Variants in AKAP6 observed in about 807,000 individuals in gnomAD.
AKAP6 encodes the protein A-kinase anchor protein 6.
AKAP6 carries 58 observed loss-of-function variants against 188.5 expected under a neutral mutation model. The observed-to-expected ratio is 0.31, with a 90% confidence interval of 0.25 to 0.38. AKAP6 has a LOEUF of 0.38. AKAP6 is among the 10% of genes least tolerant of loss of function. The pLI is 1.00. For missense variants in AKAP6, 2,710 were observed against 2,740.0 expected (o/e 0.99, Z 0.24); for synonymous variants, 989 against 998.6 (o/e 0.99, Z 0.18).
At chr14:32,748,668 C>T (rs1484573709) in intron 11 of AKAP6, among the ~76,000 whole-genome samples, 2 of 152,052 alleles carry the variant, frequency 1.3e-5, no homozygotes, top group Non-Finnish European at 2.9e-5. Context: ...ACTTTTTTCC[C>T]TCCCAAGACT....
At chr14:32,376,371 T>C (rs1298993561) in intron 1 of AKAP6, among the ~76,000 whole-genome samples, 2 of 152,224 alleles carry the variant, frequency 1.3e-5, no homozygotes, top group Non-Finnish European at 2.9e-5. Flanking sequence ...GTGGTGGTCA[T>C]AGACTACATC....
At chr14:32,764,293 T>G (rs1490923843) in intron 11 of AKAP6, among the ~76,000 whole-genome samples, 1 of 152,236 alleles carries the variant, frequency 6.6e-6, no homozygotes, top group Non-Finnish European at 1.5e-5. Context: ...AATCAGTATT[T>G]TTCCCATCCC....
At chr14:32,495,244 C>A (rs1164238218) in intron 2 of AKAP6, 1 of 152,160 alleles carries the variant, frequency 6.6e-6, no homozygotes, top group African/African-American at 2.4e-5. Context: ...AAAACCAAAT[C>A]GACTTGAGTT....
intron 10 of AKAP6, chr14:32,733,247 G>C (rs1458959657): frequency 1.3e-5 from 2 of 154,478 alleles, no homozygotes; most frequent in Non-Finnish European, 2.9e-5. Flanking sequence ...AGGCAATATA[G>C]AGATTCTGTT....
intron 1 of AKAP6, among the ~76,000 whole-genome samples, chr14:32,334,080 C>G (rs183283224): frequency 5.9e-5 from 9 of 152,212 alleles, no homozygotes; most frequent in Non-Finnish European, 1.0e-4. Flanking sequence ...TGACTGAACT[C>G]TGTAGATGGG....
At chr14:32,622,566 G>T (rs995047114) in intron 7 of AKAP6, among the ~76,000 whole-genome samples, 2 of 152,106 alleles carry the variant, frequency 1.3e-5, no homozygotes, top group African/African-American at 4.8e-5. Flanking sequence ...GCAAATGAAT[G>T]ATAATCCTCT....
intron 5 of AKAP6, among the ~76,000 whole-genome samples, chr14:32,593,843 C>T (rs1195757289): frequency 6.6e-6 from 1 of 152,096 alleles, no homozygotes; most frequent in African/African-American, 2.4e-5. Flanking sequence ...ATGTCTCATA[C>T]AGCAGCATTT....
chr14:32,341,748 A>T (rs755518754), intron 1 of AKAP6, among the ~76,000 whole-genome samples: 2 of 152,140 alleles, frequency 1.3e-5, no homozygotes, highest in Non-Finnish European at 2.9e-5. Context: ...CTCAGGCTGG[A>T]TGTGGTGGCT....
chr14:32,562,274 A>T (rs1420508175), intron 4 of AKAP6, among the ~76,000 whole-genome samples: 2 of 152,168 alleles, frequency 1.3e-5, no homozygotes, highest in African/African-American at 2.4e-5. Flanking sequence ...ATTTGTCTAG[A>T]GACTAGTACT....
chr14:32,703,331 C>T (rs893273876), intron 9 of AKAP6, among the ~76,000 whole-genome samples: 3 of 152,046 alleles, frequency 2.0e-5, no homozygotes, highest in Admixed American at 6.6e-5. Context: ...GCACGTAAAA[C>T]GCTTACTTAG....
intron 4 of AKAP6, among the ~76,000 whole-genome samples, chr14:32,574,622 T>C (rs1884642101): frequency 1.3e-5 from 2 of 152,242 alleles, no homozygotes; most frequent in South Asian, 4.1e-4. Flanking sequence ...TCTTTCACTA[T>C]TTATCTTCTT....
intron 11 of AKAP6, among the ~76,000 whole-genome samples, chr14:32,770,261 T>C (rs1594929036): frequency 6.6e-6 from 1 of 152,168 alleles, no homozygotes. Context: ...AAAAGACAGA[T>C]AATGACCTCC....
Position 32,577,162 on chromosome 14 carries a change from G to A in AKAP6, c.2389G>A (p.Glu797Lys), listed in dbSNP as rs1884761614. 1 of 1,612,142 alleles carries A rather than the reference G, an allele frequency of 6.2e-7. No homozygotes were observed. The highest frequency in any genetic ancestry group is 1.7e-5 in the Admixed American group (1 of 59,702). ...GGATGAATTCATTCAATGGTTAAATGAAGCCATGGAAACTACAGAAAATTG... is the reference window on the plus strand; with the variant it reads ...GGATGAATTCATTCAATGGTTAAATAAAGCCATGGAAACTACAGAAAATTG... The part of the protein sequence containing the change: ...KLDEFIQWLN[E>K]AMETTENWTP... The change falls in exon 5 of 14, where the codon GAA becomes AAA. Residue 797 changes from glutamate to lysine, a missense_variant. By Grantham distance (56) the Glu-to-Lys change is moderately conservative. Around this residue, in one of 2 missense-constraint regions of AKAP6, gnomAD observed 2,473 missense variants for 2,426.1 expected, o/e 1.02. Coordinates refer to ENST00000280979, the MANE Select transcript of AKAP6 (RefSeq NM_004274.5).
At chr14:32,824,878 G>A (rs2034636485) in intron 13 of AKAP6, 63 bp downstream of exon 13, 2 of 1,377,032 alleles carry the variant, frequency 1.5e-6, no homozygotes, top group South Asian at 1.5e-5. Flanking sequence ...GCAAAACCAT[G>A]GCAGGAGAAA....
intron 1 of AKAP6, among the ~76,000 whole-genome samples, chr14:32,393,980 G>A (rs556258768): frequency 1.2e-4 from 19 of 152,148 alleles, no homozygotes; most frequent in Admixed American, 1.2e-3. Context: ...CCTTCAACTT[G>A]GTTCCCCTGA....
chr14:32,787,856 A>G (rs1594945394), intron 12 of AKAP6, among the ~76,000 whole-genome samples: 1 of 152,100 alleles, frequency 6.6e-6, no homozygotes, highest in African/African-American at 2.4e-5. Context: ...ATGCAAGTAC[A>G]TTACATAGAG....
chr14:32,583,745 C>T (rs1256095150), intron 5 of AKAP6, among the ~76,000 whole-genome samples: 2 of 152,180 alleles, frequency 1.3e-5, no homozygotes, highest in Non-Finnish European at 2.9e-5. Flanking sequence ...TGCTAGAAAT[C>T]AGCGAGACTC....
At chr14:32,389,293 A>G (rs1481612521) in intron 1 of AKAP6, among the ~76,000 whole-genome samples, 27 of 152,070 alleles carry the variant, frequency 1.8e-4, no homozygotes, top group Admixed American at 1.7e-3. Context: ...TTCTTATCCA[A>G]TCTGCAAGTC....
At position 32,831,335 on chromosome 14, in the gene AKAP6, T is replaced by A. The variant is rs953665836; in HGVS notation, c.*1530T>A. The A allele has an allele frequency of 1.3e-5, 2 of 152,172 alleles. No homozygotes were observed. Among genetic ancestry groups the A allele is most frequent in the African/African-American group, 4.8e-5 (2 of 41,432 alleles). 9.4% of individuals were successfully genotyped at this position (152,172 alleles called of 1,614,324 possible). Reference sequence around the variant, plus strand: ...TGACACAGTAGGTATTCAATAAAAATTTACTGAATTAAAGGATTAAATTAG... The same window carrying A: ...TGACACAGTAGGTATTCAATAAAAAATTACTGAATTAAAGGATTAAATTAG... On this transcript the variant is annotated 3_prime_UTR_variant, in exon 14 of 14. Coordinates refer to ENST00000280979, the MANE Select transcript of AKAP6 (RefSeq NM_004274.5).
Sources: allele counts gnomAD v4.1 joint callset (sites outside exome capture counted in the v4.1 genomes callset), GRCh38; gene constraint gnomAD v4.1.1; regional missense constraint gnomAD v4.1.1; transcripts MANE v1.5; gene names NCBI Gene and HGNC (gene_info 2026-07-23, HGNC 2026-07-21).